Variants in KLHL6 observed in about 807,000 individuals in gnomAD.
The protein encoded by KLHL6 is kelch like family member 6, also known as kelch-like protein 6.
Under a neutral mutation model 58.6 loss-of-function variants are expected in KLHL6, and 41 were observed. That is an observed-to-expected ratio of 0.70 (90% CI 0.55 to 0.91). KLHL6 has a LOEUF of 0.91. Ranked by LOEUF, KLHL6 falls within the 40% of genes least tolerant of loss-of-function variation. KLHL6 has a pLI of 0.00. For missense variants in KLHL6, 714 were observed against 805.6 expected (o/e 0.89, Z 1.38); for synonymous variants, 338 against 322.7 (o/e 1.05, Z -0.51).
At position 183,492,836 on chromosome 3, in the gene KLHL6, C is replaced by T. The variant is rs1717611566; in HGVS notation, c.1351-129G>A. 2 of 761,798 alleles carry T rather than the reference C, an allele frequency of 2.6e-6. No individual in the cohort carries two copies. The highest frequency in any genetic ancestry group is 2.5e-5 in the Admixed American group (1 of 39,544). 47.2% of individuals were successfully genotyped at this position (761,798 alleles called of 1,614,324 possible). The stretch of plus-strand genomic sequence containing the variant: ...ATCTTTTGCCTATAGTCACAAGGCC[C>T]ATGGGCTTGACTCCTCTTAAGACAC... On this transcript the variant is annotated intron_variant, in intron 5 of 6. Coordinates refer to ENST00000341319, the MANE Select transcript of KLHL6 (RefSeq NM_130446.4). The surrounding 1 kb of genome is among the most constrained non-coding windows in gnomAD (Gnocchi z 5.9).
intron 1 of KLHL6, among the ~76,000 whole-genome samples, chr3:183,532,064 C>T (rs1712181838): frequency 6.6e-6 from 1 of 152,100 alleles, no homozygotes; most frequent in Admixed American, 6.5e-5. Flanking sequence ...ATTGTGTCCC[C>T]CACAAAATTC....
chr3:183,516,795 G>T (rs922637528), intron 2 of KLHL6, among the ~76,000 whole-genome samples: 2 of 152,214 alleles, frequency 1.3e-5, no homozygotes, highest in Non-Finnish European at 2.9e-5. Context: ...ATTGCAAAGG[G>T]TCTATAAAGA....
At chr3:183,550,835 T>C (rs147818339) in intron 1 of KLHL6, among the ~76,000 whole-genome samples, 1,981 of 150,250 alleles carry the variant, frequency 0.013, 37 homozygotes, top group African/African-American at 0.046. Flanking sequence ...ATTTACTTCC[T>C]ATGGGCTGGG....
intron 4 of KLHL6, among the ~76,000 whole-genome samples, chr3:183,495,181 T>C (rs756239765): frequency 6.6e-6 from 1 of 152,214 alleles, no homozygotes; most frequent in Non-Finnish European, 1.5e-5. Context: ...AACCCAGAAG[T>C]GGGTTTACTA....
chr3:183,534,203 C>T (rs995013513), intron 1 of KLHL6, among the ~76,000 whole-genome samples: 15 of 63,230 alleles, frequency 2.4e-4, no homozygotes, highest in African/African-American at 8.9e-4. Flanking sequence ...GGGCTTGCCT[C>T]GCTGCCTCCT....
At chr3:183,497,751 A>AC (rs1717754746) in intron 4 of KLHL6, among the ~76,000 whole-genome samples, 1 of 152,340 alleles carries the variant, frequency 6.6e-6, no homozygotes, top group East Asian at 1.9e-4. Flanking sequence ...AGTGGAGCAG[A>AC]CTGTCCTGCC....
chr3:183,501,897 C>T (rs893942521), intron 3 of KLHL6, among the ~76,000 whole-genome samples: 1 of 152,136 alleles, frequency 6.6e-6, no homozygotes, highest in African/African-American at 2.4e-5. Context: ...TGTAATTTAC[C>T]GTAAGGCCCC....
chr3:183,505,636 C>G (rs1717979217), intron 3 of KLHL6, among the ~76,000 whole-genome samples: 1 of 151,530 alleles, frequency 6.6e-6, no homozygotes, highest in Admixed American at 6.6e-5. Context: ...TGATAAGCCT[C>G]TAACCAGATT....
At position 183,508,335 on chromosome 3, in the gene KLHL6, A is replaced by G; in HGVS notation, c.633T>C (p.Leu211=). 6.2e-7 allele frequency: 1 copy of G among 1,614,234 alleles called. No individual in the cohort carries two copies. The highest frequency in any genetic ancestry group is 2.2e-5 in the East Asian group (1 of 44,890). Reference sequence around the variant, plus strand: ...GGTGCAGAGTGTCCACGGGCAGGTCAAGAAACTCCTCAGAGTTCAGAATCT... The same window carrying G: ...GGTGCAGAGTGTCCACGGGCAGGTCGAGAAACTCCTCAGAGTTCAGAATCT... ...FVQILNSEEF[L]DLPVDTLHHI... Residue 211 remains leucine, a synonymous_variant, in exon 3 of 7, where the codon CTT becomes CTC. Coordinates refer to ENST00000341319, the MANE Select transcript of KLHL6 (RefSeq NM_130446.4).
chr3:183,505,847 A>C (rs1261952683), intron 3 of KLHL6, among the ~76,000 whole-genome samples: 1 of 152,212 alleles, frequency 6.6e-6, no homozygotes, highest in African/African-American at 2.4e-5. Flanking sequence ...GAAGAAACAG[A>C]GATCCTAAAT....
chr3:183,535,054 C>T (rs1348073305), intron 1 of KLHL6, among the ~76,000 whole-genome samples: 1 of 151,620 alleles, frequency 6.6e-6, no homozygotes, highest in East Asian at 1.9e-4. Flanking sequence ...AAGCGATTCT[C>T]CTGCCTCAGC....
In KLHL6 at chr3:183,540,528, G is replaced by A. The variant is rs1189911183; in HGVS notation, c.294-12518C>T. 5.3e-5 allele frequency among the ~76,000 whole-genome samples: 8 copies of A among 152,186 alleles called. No homozygotes were observed. The East Asian group carries it at 7.7e-4, about 15-fold the overall frequency. ...ACAATTGGACAAAAGAAATCCCAGC[G>A]ATTCTCTGAATTGGAACTCCAGGCC... On this transcript the variant is annotated intron_variant, in intron 1 of 6. Coordinates refer to ENST00000341319, the MANE Select transcript of KLHL6 (RefSeq NM_130446.4).
chr3:183,543,826 G>A (rs965756751), intron 1 of KLHL6, among the ~76,000 whole-genome samples: 5 of 152,138 alleles, frequency 3.3e-5, no homozygotes, highest in Non-Finnish European at 7.4e-5. Flanking sequence ...CTTCAGAAAG[G>A]GCTATGATGC....
chr3:183,491,897 G>T lies in KLHL6; in HGVS notation c.*30C>A, dbSNP rs1463539627. On this transcript the variant is annotated 3_prime_UTR_variant, in exon 7 of 7. Coordinates refer to ENST00000341319, the MANE Select transcript of KLHL6 (RefSeq NM_130446.4). Reference sequence around the variant, plus strand: ...AGGTGAGGCGGGTACGCTGAGGGTCGGGGGGGCTCTCCAGCTCCCCATCCT... The same window carrying T: ...AGGTGAGGCGGGTACGCTGAGGGTCTGGGGGGCTCTCCAGCTCCCCATCCT... 1.4e-6 allele frequency: 2 copies of T among 1,444,494 alleles called. No homozygotes were observed. Among genetic ancestry groups the T allele is most frequent in the Admixed American group, 2.6e-5 (1 of 38,424 alleles). The allele number at this position is 1,444,494 out of a possible 1,614,324, so 89.5% of individuals were successfully genotyped here. A position where few individuals can be genotyped will look rare whatever the true frequency, so the allele number is the denominator to read the frequency against.
Position 183,492,689 on chromosome 3 carries a change from G to A in KLHL6, c.1369C>T (p.His457Tyr), listed in dbSNP as rs1244484839. 6.2e-7 allele frequency: 1 copy of A among 1,613,554 alleles called. No homozygotes were observed. Among genetic ancestry groups the A allele is most frequent in the Non-Finnish European group, 8.5e-7 (1 of 1,180,012 alleles). ...CTGGTGGCTGCAAAGGAACTGACAT[G>A]GACAAGGAGGGGTGCGGCCTGTAGA... ...CWSEAAPLLVHVSSFAATSHK... is the reference protein window; with the variant it reads ...CWSEAAPLLVYVSSFAATSHK... Residue 457 changes from histidine (H) to tyrosine (Y), a missense_variant, in exon 6 of 7, where the codon CAT (histidine) becomes TAT (tyrosine). Physicochemically the swap from His to Tyr is moderately conservative, Grantham distance 83. Transcript: ENST00000341319. The surrounding 1 kb of genome is among the most constrained non-coding windows in gnomAD (Gnocchi z 5.9).
At chr3:183,500,918 T>G (rs1717849460) in intron 3 of KLHL6, among the ~76,000 whole-genome samples, 1 of 152,178 alleles carries the variant, frequency 6.6e-6, no homozygotes, top group South Asian at 2.1e-4. Flanking sequence ...AGCCCTCAGA[T>G]AGTGAATCCA....
intron 1 of KLHL6, among the ~76,000 whole-genome samples, chr3:183,554,840 T>G (rs1448592450): frequency 6.6e-6 from 1 of 152,142 alleles, no homozygotes; most frequent in African/African-American, 2.4e-5. Flanking sequence ...GATGCCAATC[T>G]CTCTTTTAAT....
intron 1 of KLHL6, among the ~76,000 whole-genome samples, chr3:183,535,955 T>C (rs1287935819): frequency 6.6e-6 from 1 of 152,168 alleles, no homozygotes; most frequent in African/African-American, 2.4e-5. Flanking sequence ...TTTGTATTTT[T>C]AGTAGAGATG....
At chr3:183,525,133 G>A (rs1470718450) in intron 2 of KLHL6, among the ~76,000 whole-genome samples, 8 of 151,992 alleles carry the variant, frequency 5.3e-5, no homozygotes, top group Admixed American at 5.2e-4. Context: ...GCATGGTGGT[G>A]CACACCTGTA....
Sources: allele counts gnomAD v4.1 joint callset (sites outside exome capture counted in the v4.1 genomes callset), GRCh38; gene constraint gnomAD v4.1.1; non-coding constraint Gnocchi (gnomAD v3.1); transcripts MANE v1.5; gene names NCBI Gene and HGNC (gene_info 2026-07-23, HGNC 2026-07-21).